Variants in ZNF608 observed in about 807,000 individuals in gnomAD.
ZNF608 encodes renal carcinoma antigen NY-REN-36.
A neutral mutation model predicts 109.0 loss-of-function variants in ZNF608; 12 were observed. The observed-to-expected ratio is 0.11, with a 90% CI of 0.07 to 0.18. ZNF608 has a LOEUF of 0.18. ZNF608 is among the 10% of genes least tolerant of loss of function. The pLI is 1.00. For missense variants in ZNF608, 1,707 were observed against 1,879.3 expected (o/e 0.91, Z 1.70); for synonymous variants, 732 against 717.4 (o/e 1.02, Z -0.33).
Position 124,711,917 on chromosome 5 carries a change from T to A in ZNF608, c.907-10648A>T, listed in dbSNP as rs1049706801. ...GCACGGAAGGATTCGATTGTTAATG[T>A]GGTAAAAAGCACACTGGAAGCCATG... On this transcript the variant is annotated intron_variant, in intron 2 of 9. Transcript: ENST00000513986. Among the ~76,000 whole-genome samples, 5 of 152,156 alleles carry A rather than the reference T, an allele frequency of 3.3e-5. No homozygotes were observed. In the South Asian group the frequency reaches 8.3e-4, roughly 25 times the overall value.
At chr5:124,708,055 T>C (rs1484326981) in intron 2 of ZNF608, 1 of 152,228 alleles carries the variant, frequency 6.6e-6, no homozygotes, top group Non-Finnish European at 1.5e-5. Flanking sequence ...AACATTCCTG[T>C]TTTATAGAAG....
intron 8 of ZNF608, 102 bp downstream of exon 8, chr5:124,641,150 T>C: frequency 1.4e-6 from 2 of 1,462,960 alleles, no homozygotes; most frequent in East Asian, 2.3e-5. Context: ...TGAGAGCTAA[T>C]GTGAACTCAA....
At chr5:124,720,210 G>A (rs1031992013) in intron 2 of ZNF608, among the ~76,000 whole-genome samples, 1 of 152,182 alleles carries the variant, frequency 6.6e-6, no homozygotes, top group African/African-American at 2.4e-5. Flanking sequence ...CTGAGCGAAT[G>A]TATTTGGGGG....
rs1753044592 is a variant in ZNF608 at position 124,701,331 on chromosome 5, T to C, written c.907-62A>G. ...TTCCGTGAATTCCTTTTAATGCAATTTGCTTATATCACTTCTAGAATATAT... is the reference window on the plus strand; with the variant it reads ...TTCCGTGAATTCCTTTTAATGCAATCTGCTTATATCACTTCTAGAATATAT... On this transcript the variant is annotated intron_variant, in intron 2 of 9. Transcript: ENST00000513986. 1.1e-5 allele frequency: 17 copies of C among 1,581,582 alleles called. No homozygotes were observed. The South Asian group carries it at 2.0e-4, about 18-fold the overall frequency.
chr5:124,714,353 G>A lies in ZNF608; in HGVS notation c.907-13084C>T, dbSNP rs61395154. ...TGAAACAAGCCCTCCTAGAAACTTGGAGTTCTTTCATCCAGAAGTCTAGTC... is the reference window on the plus strand; with the variant it reads ...TGAAACAAGCCCTCCTAGAAACTTGAAGTTCTTTCATCCAGAAGTCTAGTC... On this transcript the variant is annotated intron_variant, in intron 2 of 9. Transcript: ENST00000513986. Among the ~76,000 whole-genome samples the A allele has an allele frequency of 3.2e-3, 491 of 152,040 alleles. 4 individuals are homozygous for A. Among genetic ancestry groups the A allele is most frequent in the African/African-American group, 0.011 (475 of 41,540 alleles).
intron 3 of ZNF608, among the ~76,000 whole-genome samples, chr5:124,673,096 G>C (rs1751795729): frequency 6.6e-6 from 1 of 152,102 alleles, no homozygotes; most frequent in Admixed American, 6.6e-5. Flanking sequence ...AGCCAATGAG[G>C]GGGCCTAACT....
At chr5:124,678,187 A>T (rs899018329) in intron 3 of ZNF608, among the ~76,000 whole-genome samples, 19 of 152,168 alleles carry the variant, frequency 1.2e-4, no homozygotes, top group African/African-American at 4.6e-4. Flanking sequence ...AGAAGGCATT[A>T]TTCATGCCTT....
intron 3 of ZNF608, among the ~76,000 whole-genome samples, chr5:124,681,044 G>C (rs73296663): frequency 0.14 from 21,410 of 152,168 alleles, 1,635 homozygotes; most frequent in Non-Finnish European, 0.17. Flanking sequence ...GTTCCAGAAA[G>C]AGAGAGCATG....
At chr5:124,698,110 T>C (rs1168814120) in intron 3 of ZNF608, among the ~76,000 whole-genome samples, 1 of 152,172 alleles carries the variant, frequency 6.6e-6, no homozygotes, top group Non-Finnish European at 1.5e-5. Flanking sequence ...AAAACTATTG[T>C]AGCTTACTCT....
At chr5:124,680,644 T>C (rs1013102162) in intron 3 of ZNF608, among the ~76,000 whole-genome samples, 7 of 152,270 alleles carry the variant, frequency 4.6e-5, no homozygotes, top group Middle Eastern at 3.4e-3. Context: ...CCAACAGTCA[T>C]AGGCATTTGA....
At chr5:124,688,408 G>A in intron 3 of ZNF608, among the ~76,000 whole-genome samples, 1 of 152,158 alleles carries the variant, frequency 6.6e-6, no homozygotes, top group East Asian at 1.9e-4. Context: ...ACCTAGGGTA[G>A]GACCCTGGAT....
rs374429838 is a variant in ZNF608, at chr5:124,646,935, G to A, written c.3449C>T (p.Ser1150Leu). 1.7e-5 allele frequency: 27 copies of A among 1,613,778 alleles called. No individual in the cohort carries two copies. The highest frequency in any genetic ancestry group is 2.7e-5 in the African/African-American group (2 of 74,836). Reference protein sequence around the residue: ...KEETKQKNMPSATISKAPSTP... With the variant: ...KEETKQKNMPLATISKAPSTP... ...AGAGGGAGCTTTTGAGATTGTGGCC[G>A]ATGGCATATTTTTCTGTTTAGTTTC... The change falls in exon 5 of 10, where the codon TCG (serine) becomes TTG (leucine). Residue 1150 changes from serine to leucine, a missense_variant. Ser to Leu is a moderately radical substitution (Grantham distance 145, BLOSUM62 -2). Around this residue, in one of 7 missense-constraint regions of ZNF608, gnomAD observed 1,073 missense variants for 1,133.5 expected, o/e 0.95. Coordinates refer to ENST00000513986, the MANE Select transcript of ZNF608 (RefSeq NM_020747.3).
At chr5:124,726,824 C>T (rs557730748) in intron 2 of ZNF608, among the ~76,000 whole-genome samples, 1 of 152,214 alleles carries the variant, frequency 6.6e-6, no homozygotes, top group Non-Finnish European at 1.5e-5. Flanking sequence ...GGGCTGTGCG[C>T]CCAACACATA....
In ZNF608 at chr5:124,648,738, G is replaced by A; in HGVS notation, c.1646C>T (p.Ser549Phe). The change falls in exon 5 of 10, where the codon TCT (serine) becomes TTT (phenylalanine). Residue 549 changes from serine (S) to phenylalanine (F), a missense_variant. By Grantham distance (155) the Ser-to-Phe change is radical. Coordinates refer to ENST00000513986, the MANE Select transcript of ZNF608 (RefSeq NM_020747.3). Reference sequence around the variant, plus strand: ...GTGGGGACAGTCGATTAACACTGGAGAAGAGCAGCCTTGGTCCAAAAAAGT... The same window carrying A: ...GTGGGGACAGTCGATTAACACTGGAAAAGAGCAGCCTTGGTCCAAAAAAGT... ...ETTFLDQGCS[S>F]PVLIDCPHPN... 1 of 1,614,244 alleles carries A rather than the reference G, an allele frequency of 6.2e-7. No homozygotes were observed. The highest frequency in any genetic ancestry group is 8.5e-7 in the Non-Finnish European group (1 of 1,180,040).
chr5:124,739,394 T>A (rs966970910), intron 2 of ZNF608, among the ~76,000 whole-genome samples: 3 of 152,210 alleles, frequency 2.0e-5, no homozygotes, highest in African/African-American at 7.2e-5. Flanking sequence ...CTATGTATAG[T>A]AAACACCAGT....
At chr5:124,682,194 T>G (rs1218372619) in intron 3 of ZNF608, among the ~76,000 whole-genome samples, 1 of 152,186 alleles carries the variant, frequency 6.6e-6, no homozygotes, top group Non-Finnish European at 1.5e-5. Context: ...TACCGCAGCC[T>G]CCCCAGTAGC....
At chr5:124,662,710 CGT>C (rs1491062834) in intron 3 of ZNF608, among the ~76,000 whole-genome samples, 1 of 152,182 alleles carries the variant, frequency 6.6e-6, no homozygotes, top group African/African-American at 2.4e-5. Context: ...TCATCATCAG[CGT>C]GTGTTTTATA....
intron 2 of ZNF608, among the ~76,000 whole-genome samples, chr5:124,728,920 C>T (rs1748753217): frequency 6.6e-6 from 1 of 152,128 alleles, no homozygotes; most frequent in African/African-American, 2.4e-5. Context: ...TCTTATAATT[C>T]CAAGTAACAT....
At chr5:124,674,611 G>T (rs1751860491) in intron 3 of ZNF608, among the ~76,000 whole-genome samples, 2 of 152,080 alleles carry the variant, frequency 1.3e-5, no homozygotes, top group Non-Finnish European at 1.5e-5. Context: ...AAATGATTTT[G>T]TGTGTTTGTT....
Sources: gnomAD v4.1 joint callset for allele counts (sites outside exome capture counted in the v4.1 genomes callset) on GRCh38, gnomAD v4.1.1 for gene constraint, gnomAD v4.1.1 regional missense constraint, MANE v1.5 for transcripts, NCBI Gene and HGNC (gene_info 2026-07-23, HGNC 2026-07-21) for gene names.